Variants in GRID1 observed in about 807,000 individuals in gnomAD.
The protein encoded by GRID1 is glutamate ionotropic receptor delta type subunit 1.
GRID1 carries 28 observed loss-of-function variants against 98.0 expected under a neutral mutation model. The observed-to-expected ratio is 0.29, with a 90% CI of 0.21 to 0.39. The LOEUF (loss-of-function observed/expected upper bound fraction) is 0.39. Ranked by LOEUF, GRID1 falls within the 10% of genes least tolerant of loss-of-function variation. The pLI, the probability that GRID1 is intolerant of heterozygous loss-of-function variation, is 1.00. For missense variants in GRID1, 1,111 were observed against 1,340.5 expected, an observed-to-expected ratio of 0.83 and a Z score of 2.67; for synonymous variants, 553 against 538.5, an observed-to-expected ratio of 1.03 and a Z score of -0.37.
At chr10:85,648,448 T>C (rs1022845435) in intron 12 of GRID1, among the ~76,000 whole-genome samples, 7 of 152,194 alleles carry the variant, frequency 4.6e-5, no homozygotes, top group African/African-American at 1.7e-4. Context: ...GATCACTCTT[T>C]ACTTATTTCT....
At chr10:85,870,465 T>C (rs962621416) in intron 5 of GRID1, among the ~76,000 whole-genome samples, 1 of 152,238 alleles carries the variant, frequency 6.6e-6, no homozygotes, top group East Asian at 1.9e-4. Context: ...TGTGAGCCAA[T>C]ACTCCTTAAT....
chr10:86,323,607 G>C (rs1279809192), intron 2 of GRID1, among the ~76,000 whole-genome samples: 1 of 152,216 alleles, frequency 6.6e-6, no homozygotes, highest in Non-Finnish European at 1.5e-5. Context: ...TGAATCCAGA[G>C]AGCAGAGAAG....
chr10:85,684,575 T>A (rs1841247499), intron 12 of GRID1, among the ~76,000 whole-genome samples: 1 of 152,186 alleles, frequency 6.6e-6, no homozygotes, highest in African/African-American at 2.4e-5. Flanking sequence ...TTCATAGAAA[T>A]GAAAGAATTT....
At chr10:86,294,669 C>G (rs1452777704) in intron 2 of GRID1, among the ~76,000 whole-genome samples, 1 of 152,076 alleles carries the variant, frequency 6.6e-6, no homozygotes, top group Non-Finnish European at 1.5e-5. Context: ...TGTAAGAAGC[C>G]TATGTCATCC....
chr10:85,708,685 C>G (rs901086123), intron 12 of GRID1: 1 of 152,148 alleles, frequency 6.6e-6, no homozygotes, highest in Admixed American at 6.5e-5. Context: ...GAGAAGATGG[C>G]CAAGCATGTG....
At chr10:86,137,056 C>T (rs1379927010) in intron 4 of GRID1, among the ~76,000 whole-genome samples, 1 of 152,132 alleles carries the variant, frequency 6.6e-6, no homozygotes, top group Non-Finnish European at 1.5e-5. Flanking sequence ...GCAAGCAGGA[C>T]AAAGCAAGCC....
intron 4 of GRID1, among the ~76,000 whole-genome samples, chr10:85,931,060 A>G (rs543298893): frequency 9.2e-5 from 14 of 152,174 alleles, no homozygotes; most frequent in African/African-American, 3.1e-4. Flanking sequence ...GGCTGGTCTC[A>G]AACTCATGTG....
At chr10:86,005,897 C>T (rs11201869) in intron 4 of GRID1, among the ~76,000 whole-genome samples, 79,849 of 151,954 alleles carry the variant, frequency 0.53, 21,318 homozygotes, top group South Asian at 0.59. Flanking sequence ...GATAAGGATA[C>T]ATAATCTTAT....
chr10:86,293,082 T>C (rs1847539130), intron 2 of GRID1, among the ~76,000 whole-genome samples: 1 of 152,216 alleles, frequency 6.6e-6, no homozygotes, highest in Non-Finnish European at 1.5e-5. Flanking sequence ...AGCTGTGTCC[T>C]GTGCCCTAGC....
chr10:86,132,010 C>T (rs1028542173), intron 4 of GRID1, among the ~76,000 whole-genome samples: 1 of 152,146 alleles, frequency 6.6e-6, no homozygotes, highest in African/African-American at 2.4e-5. Flanking sequence ...GGTCACAGCA[C>T]AAGCAGTGGG....
At chr10:85,984,866 T>G (rs1248801302) in intron 4 of GRID1, among the ~76,000 whole-genome samples, 1 of 132,022 alleles carries the variant, frequency 7.6e-6, no homozygotes, top group African/African-American at 2.5e-5. Flanking sequence ...GTCCTCTGGC[T>G]CTTAACACTC....
chr10:85,686,079 A>G (rs1841265952), intron 12 of GRID1, among the ~76,000 whole-genome samples: 1 of 152,166 alleles, frequency 6.6e-6, no homozygotes, highest in African/African-American at 2.4e-5. Context: ...CAATACATAT[A>G]AAAGAATAAT....
At chr10:86,169,293 G>A (rs573650316) in intron 3 of GRID1, among the ~76,000 whole-genome samples, 7 of 152,212 alleles carry the variant, frequency 4.6e-5, no homozygotes, top group African/African-American at 1.2e-4. Flanking sequence ...GTCAAGCCAC[G>A]CTGTAGCCCC....
chr10:85,881,854 A>G (rs1029999188), intron 5 of GRID1, among the ~76,000 whole-genome samples: 6 of 152,188 alleles, frequency 3.9e-5, no homozygotes, highest in Non-Finnish European at 8.8e-5. Flanking sequence ...AGAATGGGAG[A>G]AAATTTTTGC....
At chr10:85,981,717 C>T (rs933123048) in intron 4 of GRID1, among the ~76,000 whole-genome samples, 1 of 152,190 alleles carries the variant, frequency 6.6e-6, no homozygotes, top group Non-Finnish European at 1.5e-5. Flanking sequence ...CGTTCATTCA[C>T]TAGATGCTCC....
At chr10:86,026,448 G>A (rs987371419) in intron 4 of GRID1, among the ~76,000 whole-genome samples, 1 of 152,208 alleles carries the variant, frequency 6.6e-6, no homozygotes, top group South Asian at 2.1e-4. Flanking sequence ...TCAAGTTTCA[G>A]AGGAACGGAG....
chr10:86,221,240 T>C (rs1215681050), intron 2 of GRID1, among the ~76,000 whole-genome samples: 1 of 151,974 alleles, frequency 6.6e-6, no homozygotes, highest in Non-Finnish European at 1.5e-5. Context: ...TCAGAGAAAA[T>C]TGAAAAATAA....
intron 13 of GRID1, among the ~76,000 whole-genome samples, chr10:85,625,283 G>C (rs1842898968): frequency 1.3e-5 from 2 of 152,186 alleles, no homozygotes. Flanking sequence ...GGCTCCACTG[G>C]AGCAGTGCCC....
chr10:85,793,127 C>A (rs144787846), intron 8 of GRID1, among the ~76,000 whole-genome samples: 1 of 152,156 alleles, frequency 6.6e-6, no homozygotes, highest in African/African-American at 2.4e-5. Flanking sequence ...AGCCTTTCCA[C>A]GTCCAATTTC....
Sources: allele counts gnomAD v4.1 joint callset (sites outside exome capture counted in the v4.1 genomes callset), GRCh38; gene constraint gnomAD v4.1.1; transcripts MANE v1.5; gene names NCBI Gene and HGNC (gene_info 2026-07-23, HGNC 2026-07-21).